NPAS3: variants seen among roughly 807,000 people sequenced by gnomAD.
The protein encoded by NPAS3 is neuronal PAS domain protein 3, also known as neuronal PAS domain-containing protein 3.
Under a neutral mutation model 73.1 loss-of-function variants are expected in NPAS3, and 14 were observed. The ratio of observed to expected loss-of-function variants is 0.19; its 90% CI spans 0.13 to 0.30. The LOEUF (loss-of-function observed/expected upper bound fraction) is 0.30. Ranked by LOEUF, NPAS3 falls within the 10% of genes least tolerant of loss-of-function variation. NPAS3 has a pLI of 1.00. For missense variants in NPAS3, 1,096 were observed against 1,250.0 expected, an observed-to-expected ratio of 0.88 and a Z score of 1.86; for synonymous variants, 620 against 541.5, an observed-to-expected ratio of 1.14 and a Z score of -2.01.
At chr14:33,177,770 A>G (rs1464025138) in intron 2 of NPAS3, among the ~76,000 whole-genome samples, 1 of 152,214 alleles carries the variant, frequency 6.6e-6, no homozygotes, top group African/African-American at 2.4e-5. Context: ...GTCTTTCTCT[A>G]TTGAGTGGAC....
intron 2 of NPAS3, among the ~76,000 whole-genome samples, chr14:33,134,367 G>A (rs973214167): frequency 4.6e-5 from 7 of 151,988 alleles, no homozygotes; most frequent in South Asian, 2.1e-4. Context: ...TGTCAACGGC[G>A]CTATCATTTC....
intron 7 of NPAS3, among the ~76,000 whole-genome samples, chr14:33,761,509 G>T (rs201014951): frequency 1.5e-5 from 2 of 134,930 alleles, no homozygotes; most frequent in Non-Finnish European, 3.3e-5. Flanking sequence ...TTCCCCAGAA[G>T]AAAAAAAAAA....
At chr14:33,039,248 A>G (rs182259391) in intron 1 of NPAS3, among the ~76,000 whole-genome samples, 1 of 152,330 alleles carries the variant, frequency 6.6e-6, no homozygotes, top group East Asian at 1.9e-4. Flanking sequence ...ATTGCATTTT[A>G]ATAAGTGGAG....
At chr14:33,226,444 A>G (rs1230817941) in intron 3 of NPAS3, among the ~76,000 whole-genome samples, 1 of 152,212 alleles carries the variant, frequency 6.6e-6, no homozygotes, top group African/African-American at 2.4e-5. Context: ...AGATCTGTGT[A>G]TTTAGTGGTA....
chr14:33,126,734 T>A (rs1361350112), intron 2 of NPAS3, among the ~76,000 whole-genome samples: 1 of 152,108 alleles, frequency 6.6e-6, no homozygotes, highest in African/African-American at 2.4e-5. Flanking sequence ...GGTAGGTTCC[T>A]CTGTCACTTA....
chr14:33,560,277 T>A (rs2055577667), intron 5 of NPAS3, 67 bp downstream of exon 5: 1 of 755,020 alleles, frequency 1.3e-6, no homozygotes, highest in Non-Finnish European at 2.4e-6. Context: ...TGTTTTTCCT[T>A]CTTCAAGGAA....
chr14:33,246,969 A>G (rs935159665), intron 3 of NPAS3, among the ~76,000 whole-genome samples: 4 of 151,820 alleles, frequency 2.6e-5, no homozygotes, highest in South Asian at 2.1e-4. Context: ...AGCCAAGACC[A>G]TGTTATTGCG....
chr14:33,662,251 G>T (rs1476695629), intron 5 of NPAS3, among the ~76,000 whole-genome samples: 1 of 152,172 alleles, frequency 6.6e-6, no homozygotes, highest in East Asian at 1.9e-4. Context: ...GAGGTTTTGT[G>T]GTTGCCCAGT....
intron 7 of NPAS3, among the ~76,000 whole-genome samples, chr14:33,757,006 T>C (rs543583571): frequency 6.6e-6 from 1 of 152,272 alleles, no homozygotes; most frequent in African/African-American, 2.4e-5. Context: ...TGGTGGGGCA[T>C]GGGGAAGGAA....
intron 5 of NPAS3, among the ~76,000 whole-genome samples, chr14:33,626,559 A>T (rs1444702487): frequency 6.6e-6 from 1 of 152,184 alleles, no homozygotes; most frequent in Non-Finnish European, 1.5e-5. Flanking sequence ...GAAAGATAGC[A>T]TCATGGAAGC....
chr14:33,502,238 TC>T (rs1250120144), intron 4 of NPAS3, among the ~76,000 whole-genome samples: 4 of 151,544 alleles, frequency 2.6e-5, no homozygotes, highest in Admixed American at 2.6e-4. Flanking sequence ...TGTTTCTAGC[TC>T]TAATTTAAGT....
chr14:32,948,170 T>C (rs900153335), intron 1 of NPAS3, among the ~76,000 whole-genome samples: 2 of 152,190 alleles, frequency 1.3e-5, no homozygotes, highest in Non-Finnish European at 2.9e-5. Context: ...AATCTTCATT[T>C]GCTATGAATT....
intron 3 of NPAS3, among the ~76,000 whole-genome samples, chr14:33,323,900 A>G (rs1594691863): frequency 6.6e-6 from 1 of 152,244 alleles, no homozygotes; most frequent in Non-Finnish European, 1.5e-5. Flanking sequence ...CTGTGAACCT[A>G]GTATCCATTC....
chr14:33,767,911 A>T (rs1370271374), intron 7 of NPAS3, among the ~76,000 whole-genome samples: 3 of 152,208 alleles, frequency 2.0e-5, no homozygotes, highest in Non-Finnish European at 1.5e-5. Flanking sequence ...GTGTATCACC[A>T]ACAGAAAACT....
intron 2 of NPAS3, among the ~76,000 whole-genome samples, chr14:33,070,569 A>C (rs4542568): frequency 6.6e-6 from 1 of 151,982 alleles, no homozygotes; most frequent in South Asian, 2.1e-4. Flanking sequence ...TTGAACAGGG[A>C]AGCCCTTTTG....
intron 3 of NPAS3, among the ~76,000 whole-genome samples, chr14:33,310,830 CACACAA>C (rs2042973651): frequency 7.6e-6 from 1 of 131,182 alleles, no homozygotes. Flanking sequence ...CACACACACA[CACACAA>C]ATACTTCAGA....
chr14:33,326,179 G>T (rs1036800285), intron 3 of NPAS3, among the ~76,000 whole-genome samples: 11 of 152,100 alleles, frequency 7.2e-5, no homozygotes, highest in Admixed American at 2.0e-4. Flanking sequence ...ACAATGAGCC[G>T]CAGTGCAGGA....
At chr14:33,407,410 C>T (rs1026836288) in intron 4 of NPAS3, among the ~76,000 whole-genome samples, 1 of 152,126 alleles carries the variant, frequency 6.6e-6, no homozygotes, top group African/African-American at 2.4e-5. Flanking sequence ...CATTTCCTTC[C>T]AAAACACATC....
intron 2 of NPAS3, among the ~76,000 whole-genome samples, chr14:33,207,755 G>T (rs531752530): frequency 1.3e-5 from 2 of 152,198 alleles, no homozygotes; most frequent in Middle Eastern, 6.8e-3. Flanking sequence ...CCTAGAAAAT[G>T]GCCCCTTTTA....
Sources: allele counts gnomAD v4.1 joint callset (sites outside exome capture counted in the v4.1 genomes callset), GRCh38; gene constraint gnomAD v4.1.1; transcripts MANE v1.5; gene names NCBI Gene and HGNC (gene_info 2026-07-23, HGNC 2026-07-21).